The following ASB2 variants were observed in gnomAD, a reference collection of about 807,000 sequenced individuals.
ASB2 encodes the protein ankyrin repeat and SOCS box containing 2.
A neutral mutation model predicts 62.4 loss-of-function variants in ASB2; 58 were observed. The ratio of observed to expected loss-of-function variants is 0.93; its 90% CI spans 0.75 to 1.16. The LOEUF is 1.16. Ranked by LOEUF, ASB2 falls within the 50% of genes most tolerant of loss-of-function variation. The pLI is 0.00. For synonymous variants in ASB2, 386 were observed against 385.3 expected, an observed-to-expected ratio of 1.00 and a Z score of -0.02; for missense variants, 928 against 887.9, an observed-to-expected ratio of 1.05 and a Z score of -0.57.
chr14:93,967,761 G>A (rs1296402038), intron 1 of ASB2, among the ~76,000 whole-genome samples: 9 of 152,186 alleles, frequency 5.9e-5, no homozygotes, highest in South Asian at 4.1e-4. Flanking sequence ...TGGCCGTGTC[G>A]ACAAAAAGAG....
Position 93,934,246 on chromosome 14 carries a change from A to C in ASB2, c.*410T>G, listed in dbSNP as rs1307240210. On this transcript the variant is annotated 3_prime_UTR_variant, in exon 10 of 10. Coordinates refer to ENST00000555019, the MANE Select transcript of ASB2 (RefSeq NM_001202429.2). ...CTCCCCCTACCCCCTACCTTGGGCC[A>C]CGTCTTCATCTTAGTCTTTGGAGAG... The C allele has an allele frequency of 2.2e-6, 1 of 457,718 alleles. No individual in the cohort carries two copies. The highest frequency in any genetic ancestry group is 1.6e-5 in the South Asian group (1 of 64,452). 28.4% of individuals were successfully genotyped at this position (457,718 alleles called of 1,614,324 possible). A position where few individuals can be genotyped will look rare whatever the true frequency, so the allele number is the denominator to read the frequency against.
At position 93,939,184 on chromosome 14, in the gene ASB2, G is replaced by T. The variant is rs753832207; in HGVS notation, c.1541C>A (p.Pro514Gln). 4.4e-6 allele frequency: 7 copies of T among 1,589,556 alleles called. No homozygotes were observed. Among genetic ancestry groups the T allele is most frequent in the Admixed American group, 3.4e-5 (2 of 58,624 alleles). ...GGAGGGCTGCGGGGCCGGCGGGTGC[G>T]GGCCGTTGCCGTAGAGGCATGAGAA... ...PCFSCLYGNG[P>Q]HPPAPQPSSR... Residue 514 changes from proline to glutamine, a missense_variant, in exon 8 of 10, where the codon CCG becomes CAG. Transcript: ENST00000555019.
intron 1 of ASB2, among the ~76,000 whole-genome samples, chr14:93,970,489 T>A (rs926638861): frequency 6.6e-6 from 1 of 152,132 alleles, no homozygotes; most frequent in African/African-American, 2.4e-5. Context: ...CTTCACATTC[T>A]ACTGCTTGGA....
chr14:93,942,834 T>C (rs1888578911), intron 7 of ASB2, among the ~76,000 whole-genome samples: 1 of 147,476 alleles, frequency 6.8e-6, no homozygotes, highest in Non-Finnish European at 1.5e-5. Flanking sequence ...AGAGGGGTAA[T>C]TAATTGTAAT....
In ASB2 at chr14:93,939,303, G is replaced by C; in HGVS notation, c.1422C>G (p.His474Gln). 1 of 1,609,640 alleles carries C rather than the reference G, an allele frequency of 6.2e-7. No homozygotes were observed. The highest frequency in any genetic ancestry group is 1.1e-5 in the South Asian group (1 of 90,932). The change falls in exon 8 of 10, where the codon CAC becomes CAG. Residue 474 changes from histidine (H) to glutamine (Q), a missense_variant. Physicochemically the swap from His to Gln is conservative, Grantham distance 24. Transcript: ENST00000555019. The stretch of plus-strand genomic sequence containing the variant: ...TGATGGTGGCGGGGAAGGCGGTGGG[G>C]TGCGTGGCGATATAGGCGTCGATGT... ...GANIDAYIAT[H>Q]PTAFPATIMF...
intron 6 of ASB2, among the ~76,000 whole-genome samples, chr14:93,949,984 A>G (rs1003077656): frequency 2.0e-5 from 3 of 152,222 alleles, no homozygotes; most frequent in African/African-American, 7.2e-5. Flanking sequence ...CTCACAGGGT[A>G]GGGTGGCTGG....
chr14:93,960,683 C>G (rs922346532), intron 2 of ASB2, among the ~76,000 whole-genome samples: 1 of 152,110 alleles, frequency 6.6e-6, no homozygotes, highest in Non-Finnish European at 1.5e-5. Flanking sequence ...GCAAATGATC[C>G]TCATTTGATC....
intron 1 of ASB2, among the ~76,000 whole-genome samples, chr14:93,971,494 G>A (rs1889755076): frequency 1.3e-5 from 2 of 152,182 alleles, no homozygotes; most frequent in Non-Finnish European, 2.9e-5. Context: ...TTCATTTAAT[G>A]GTGCTGAACA....
intron 2 of ASB2, among the ~76,000 whole-genome samples, chr14:93,960,443 G>C (rs1226908335): frequency 1.3e-5 from 2 of 152,212 alleles, no homozygotes; most frequent in Non-Finnish European, 2.9e-5. Flanking sequence ...GCACACAACA[G>C]CCTCAGCCAG....
At chr14:93,957,192 T>G in intron 2 of ASB2, 3 of 1,281,734 alleles carry the variant, frequency 2.3e-6, no homozygotes, top group Non-Finnish European at 2.0e-6. Context: ...CAAGGTGACA[T>G]TCTTCACCCA....
At chr14:93,955,388 G>A (rs891580144) in intron 3 of ASB2, 2 of 334,330 alleles carry the variant, frequency 6.0e-6, no homozygotes, top group African/African-American at 4.3e-5. Context: ...ACAGATGCCG[G>A]TGAAGCAACA....
intron 3 of ASB2, chr14:93,955,140 G>A (rs751720040): frequency 2.2e-6 from 1 of 456,740 alleles, no homozygotes; most frequent in East Asian, 7.0e-5. Context: ...GAACCACGAT[G>A]TCTATGCCTC....
intron 1 of ASB2, among the ~76,000 whole-genome samples, chr14:93,967,808 G>T (rs550201721): frequency 6.6e-6 from 1 of 152,254 alleles, no homozygotes; most frequent in Non-Finnish European, 1.5e-5. Context: ...AAACCCGGGG[G>T]GAGTGGAGGG....
chr14:93,973,952 G>A (rs1595338966), intron 1 of ASB2: 1 of 152,460 alleles, frequency 6.6e-6, no homozygotes, highest in Admixed American at 6.5e-5. Flanking sequence ...CCTCACCTTG[G>A]TTCCTTAGTG....
At chr14:93,963,305 GGCCTAT>G (rs777230873) in intron 2 of ASB2, among the ~76,000 whole-genome samples, 2 of 151,536 alleles carry the variant, frequency 1.3e-5, no homozygotes, top group Non-Finnish European at 2.9e-5. Context: ...TGAGATTTGT[GGCCTAT>G]GCCTCAAAGT....
intron 2 of ASB2, among the ~76,000 whole-genome samples, chr14:93,958,905 G>T (rs1384436954): frequency 6.6e-6 from 1 of 152,204 alleles, no homozygotes; most frequent in East Asian, 1.9e-4. Flanking sequence ...CTGGGAAAAA[G>T]CCCACTGCAC....
chr14:93,937,647 T>A (rs756625162), intron 9 of ASB2, 51 bp downstream of exon 9: 3 of 1,575,720 alleles, frequency 1.9e-6, no homozygotes, highest in Non-Finnish European at 2.6e-6. Flanking sequence ...CCTGGGACTC[T>A]GAGTCAGGCA....
chr14:93,935,423 GTCATTCAT>G (rs55731345), intron 9 of ASB2, among the ~76,000 whole-genome samples: 3 of 150,848 alleles, frequency 2.0e-5, no homozygotes, highest in South Asian at 2.1e-4. Flanking sequence ...ATCACAGAAT[GTCATTCAT>G]TCATTCATTC....
At chr14:93,948,011 A>AG (rs1227038182) in intron 6 of ASB2, among the ~76,000 whole-genome samples, 1 of 149,848 alleles carries the variant, frequency 6.7e-6, no homozygotes, top group Non-Finnish European at 1.5e-5. Context: ...AAAAAAAAAA[A>AG]AAAAAAAGAC....
Sources: allele counts gnomAD v4.1 joint callset (sites outside exome capture counted in the v4.1 genomes callset), GRCh38; gene constraint gnomAD v4.1.1; transcripts MANE v1.5; gene names NCBI Gene and HGNC (gene_info 2026-07-23, HGNC 2026-07-21).